Variants in RSRP1 observed in about 807,000 individuals in gnomAD.
RSRP1 encodes arginine/serine-rich protein 1.
Under a neutral mutation model 33.0 loss-of-function variants are expected in RSRP1, and 37 were observed. The ratio of observed to expected loss-of-function variants is 1.12; its 90% CI spans 0.86 to 1.48. The LOEUF is 1.48. Ranked by LOEUF, RSRP1 falls within the 40% of genes most tolerant of loss-of-function variation. The pLI is 0.00. For missense variants in RSRP1, 402 were observed against 385.3 expected (o/e 1.04, Z -0.36); for synonymous variants, 167 against 158.7 (o/e 1.05, Z -0.40).
chr1:25,333,441 G>T lies in RSRP1; in HGVS notation c.-67+4537C>A, dbSNP rs1261399687. Reference sequence around the variant, plus strand: ...AGACTTGAATGAAGTGAAGAAGTGAGCCATGTGGGTATGGGGAATACAACT... The same window carrying T: ...AGACTTGAATGAAGTGAAGAAGTGATCCATGTGGGTATGGGGAATACAACT... On this transcript the variant is annotated intron_variant, in intron 1 of 1. Coordinates refer to the RSRP1 transcript ENST00000561867. Among the ~76,000 whole-genome samples the T allele has an allele frequency of 1.5e-4, 19 of 129,660 alleles. 3 individuals are homozygous for T. The highest frequency in any genetic ancestry group is 3.2e-4 in the Non-Finnish European group (18 of 55,710). 85.1% of individuals were successfully genotyped at this position (129,660 alleles called of 152,430 possible).
At chr1:25,262,367 A>C (rs1640184573) in intron 1 of RSRP1, among the ~76,000 whole-genome samples, 1 of 152,214 alleles carries the variant, frequency 6.6e-6, no homozygotes, top group Non-Finnish European at 1.5e-5. Context: ...TCCTCATGAA[A>C]CTTGTATTCT....
chr1:25,297,415 C>T (rs906834508), intron 1 of RSRP1, among the ~76,000 whole-genome samples: 1 of 104,024 alleles, frequency 9.6e-6, no homozygotes, highest in Admixed American at 9.7e-5. Flanking sequence ...TTACTATTTT[C>T]CCCTTTGTAA....
At chr1:25,301,454 C>T in intron 1 of RSRP1, 1 of 1,292,810 alleles carries the variant, frequency 7.7e-7, no homozygotes, top group Non-Finnish European at 1.1e-6. Context: ...TCATCCAAAA[C>T]CCCTCGAGGC....
At chr1:25,243,210 ATACACAAGG>A (rs1328445981) in intron 4 of RSRP1, among the ~76,000 whole-genome samples, 2 of 152,330 alleles carry the variant, frequency 1.3e-5, no homozygotes, top group African/African-American at 2.4e-5. Flanking sequence ...CATACACAAG[ATACACAAGG>A]TATAATGATT....
chr1:25,315,797 T>A (rs1644412140), intron 1 of RSRP1, among the ~76,000 whole-genome samples: 2 of 130,504 alleles, frequency 1.5e-5, no homozygotes, highest in Admixed American at 1.5e-4. Context: ...CACCCGGCCT[T>A]AATTTATTTT....
intron 1 of RSRP1, 43 bp downstream of exon 1, chr1:25,247,266 C>A: frequency 2.7e-6 from 1 of 369,854 alleles, no homozygotes; most frequent in Admixed American, 4.1e-5. Context: ...TCCTGAGAGA[C>A]CACTGCGGTG....
At chr1:25,310,700 G>A (rs993194792) in intron 1 of RSRP1, among the ~76,000 whole-genome samples, 7 of 132,648 alleles carry the variant, frequency 5.3e-5, no homozygotes, top group Admixed American at 1.5e-4. Flanking sequence ...TGCCAGGCAC[G>A]GTGTCTCAGG....
In RSRP1 at chr1:25,316,030, C is replaced by T. The variant is rs111906936; in HGVS notation, c.-67+21948G>A. On this transcript the variant is annotated intron_variant, in intron 1 of 1. Coordinates refer to the RSRP1 transcript ENST00000561867. ...GCTGCCCACCTGTTGAGACAAGAAA[C>T]AGGAAAGGCTTAAAAAACTGGCTTG... Among the ~76,000 whole-genome samples, 25 of 131,188 alleles carry T rather than the reference C, an allele frequency of 1.9e-4. 3 individuals are homozygous for T. The South Asian group carries it at 3.7e-3, about 20-fold the overall frequency. The allele number at this position is 131,188 out of a possible 152,430, so 86.1% of individuals were successfully genotyped here.
In RSRP1 at chr1:25,330,614, CAGA is replaced by C. The variant is rs1644983934; in HGVS notation, c.-67+7361_-67+7363del. Among the ~76,000 whole-genome samples, 4 of 130,632 alleles carry C rather than the reference CAGA, an allele frequency of 3.1e-5. 2 individuals carry two copies. The highest frequency in any genetic ancestry group is 7.2e-5 in the Non-Finnish European group (4 of 55,334). 85.7% of individuals were successfully genotyped at this position (130,632 alleles called of 152,430 possible). A position where few individuals can be genotyped will look rare whatever the true frequency, so the allele number is the denominator to read the frequency against. ...TTTTTTTCCTACACAGCACATAAAACAGAAGGAATTTGAAGCCACCCTCCAAAC... is the reference window on the plus strand; with the variant it reads ...TTTTTTTCCTACACAGCACATAAAACAGGAATTTGAAGCCACCCTCCAAAC... On this transcript the variant is annotated intron_variant, in intron 1 of 1. Coordinates refer to the RSRP1 transcript ENST00000561867.
At chr1:25,290,719 G>A in intron 1 of RSRP1, 1 of 1,378,284 alleles carries the variant, frequency 7.3e-7, no homozygotes, top group South Asian at 1.2e-5. Flanking sequence ...ACTTGGCGCA[G>A]TTGGTGGTGA....
In RSRP1 at chr1:25,314,202, T is replaced by C. The variant is rs1644309898; in HGVS notation, c.-67+23776A>G. 1.5e-5 allele frequency among the ~76,000 whole-genome samples: 2 copies of C among 133,094 alleles called. 1 individual carries two copies. The highest frequency in any genetic ancestry group is 5.1e-5 in the African/African-American group (2 of 39,006). 87.3% of individuals were successfully genotyped at this position (133,094 alleles called of 152,430 possible). A position where few individuals can be genotyped will look rare whatever the true frequency, so the allele number is the denominator to read the frequency against. ...TAGTTTGCGCCAATCTAATCACCAG[T>C]AGTGTATAGAAGCTCCTTTTACTCC... On this transcript the variant is annotated intron_variant, in intron 1 of 1. Coordinates refer to the RSRP1 transcript ENST00000561867.
chr1:25,331,980 T>G (rs1557577402), intron 1 of RSRP1, among the ~76,000 whole-genome samples: 1 of 126,138 alleles, frequency 7.9e-6, no homozygotes, highest in Non-Finnish European at 1.9e-5. Flanking sequence ...GACCTCGTGA[T>G]CCACCTGCCT....
rs926146540 is a variant in RSRP1, at chr1:25,315,036, C to T, written c.-67+22942G>A. On this transcript the variant is annotated intron_variant, in intron 1 of 1. Transcript: ENST00000561867. ...TGGCCAACATGGTGAAGCCCTGTGCCTACTAAAAATACAAAAAATTAGCTG... is the reference window on the plus strand; with the variant it reads ...TGGCCAACATGGTGAAGCCCTGTGCTTACTAAAAATACAAAAAATTAGCTG... Among the ~76,000 whole-genome samples, 4 of 129,044 alleles carry T rather than the reference C, an allele frequency of 3.1e-5. 1 individual carries two copies. Among genetic ancestry groups the T allele is most frequent in the East Asian group, 2.0e-4 (1 of 5,102 alleles). 84.7% of individuals were successfully genotyped at this position (129,044 alleles called of 152,430 possible). A position where few individuals can be genotyped will look rare whatever the true frequency, so the allele number is the denominator to read the frequency against.
At position 25,301,597 on chromosome 1, in the gene RSRP1, G is replaced by A. The variant is rs1053360; in HGVS notation, c.-67+36381C>T. On this transcript the variant is annotated intron_variant, in intron 1 of 1. Transcript: ENST00000561867. ...AAGTCCAATCGAAAGGAAGAATGCCGTGTTCAACACCTACTATGCTGTAGC... is the reference window on the plus strand; with the variant it reads ...AAGTCCAATCGAAAGGAAGAATGCCATGTTCAACACCTACTATGCTGTAGC... 135 of 1,379,840 alleles carry A rather than the reference G, an allele frequency of 9.8e-5. 25 individuals carry two copies. Among genetic ancestry groups the A allele is most frequent in the East Asian group, 4.7e-4 (21 of 44,656 alleles). The allele number at this position is 1,379,840 out of a possible 1,614,324, so 85.5% of individuals were successfully genotyped here. A position where few individuals can be genotyped will look rare whatever the true frequency, so the allele number is the denominator to read the frequency against.
At position 25,299,239 on chromosome 1, in the gene RSRP1, G is replaced by A. The variant is rs1202365543; in HGVS notation, c.-67+38739C>T. ...TCTACTAAAAATACAAAAATTAGCCGGGCACGGTGGTGGGTGCCTGTAATC... is the reference window on the plus strand; with the variant it reads ...TCTACTAAAAATACAAAAATTAGCCAGGCACGGTGGTGGGTGCCTGTAATC... On this transcript the variant is annotated intron_variant, in intron 1 of 1. Transcript: ENST00000561867. 5.4e-5 allele frequency among the ~76,000 whole-genome samples: 7 copies of A among 128,962 alleles called. 2 individuals are homozygous for A. The highest frequency in any genetic ancestry group is 4.7e-4 in the South Asian group (2 of 4,236). 84.6% of individuals were successfully genotyped at this position (128,962 alleles called of 152,430 possible). A position where few individuals can be genotyped will look rare whatever the true frequency, so the allele number is the denominator to read the frequency against.
chr1:25,305,427 C>T (rs1643731465), intron 1 of RSRP1, among the ~76,000 whole-genome samples: 1 of 126,890 alleles, frequency 7.9e-6, no homozygotes, highest in South Asian at 2.4e-4. Flanking sequence ...GACAGAGTCT[C>T]ATTCTGTCAC....
At chr1:25,283,300 G>T (rs1641661545) in intron 1 of RSRP1, among the ~76,000 whole-genome samples, 1 of 132,032 alleles carries the variant, frequency 7.6e-6, no homozygotes. Context: ...GGAAACCGAG[G>T]TGGGCAGATC....
At chr1:25,332,786 G>A (rs1030694476) in intron 1 of RSRP1, among the ~76,000 whole-genome samples, 1 of 132,608 alleles carries the variant, frequency 7.5e-6, no homozygotes, top group African/African-American at 2.6e-5. Context: ...AAAAGTATAC[G>A]TAGTCAGGGT....
chr1:25,319,695 A>T (rs868227994), intron 1 of RSRP1, among the ~76,000 whole-genome samples: 1 of 132,272 alleles, frequency 7.6e-6, no homozygotes, highest in African/African-American at 2.6e-5. Flanking sequence ...CTCCCAGAAG[A>T]CAAGCATTTA....
Sources: gnomAD v4.1 joint callset for allele counts (sites outside exome capture counted in the v4.1 genomes callset) on GRCh38, gnomAD v4.1.1 for gene constraint, MANE v1.5 for transcripts, NCBI Gene and HGNC (gene_info 2026-07-23, HGNC 2026-07-21) for gene names.